Variants in EPHB3 observed in about 807,000 individuals in gnomAD.
EPHB3 encodes the protein ephrin type-B receptor 3.
In EPHB3, 33 loss-of-function variants were observed where a neutral mutation model predicts 100.2. That is an observed-to-expected ratio of 0.33 (90% CI 0.25 to 0.44). The LOEUF (loss-of-function observed/expected upper bound fraction) is 0.44, where lower values mean the gene tolerates loss of function less well. Among genes scored for constraint, EPHB3 ranks in the 20% least tolerant of loss-of-function variants. The pLI, the probability that EPHB3 is intolerant of heterozygous loss-of-function variation, is 1.00. For missense variants in EPHB3, 1,045 were observed against 1,378.3 expected, an observed-to-expected ratio of 0.76 and a Z score of 3.83; for synonymous variants, 526 against 554.7, an observed-to-expected ratio of 0.95 and a Z score of 0.73.
chr3:184,573,437 C>T lies in EPHB3; in HGVS notation c.856+261C>T, dbSNP rs1377327182. Reference sequence around the variant, plus strand: ...AGAGAGGAAGAGAAGCATGCAGAATCCTTGGCAAGCAGGCACCTGGAGAAC... The same window carrying T: ...AGAGAGGAAGAGAAGCATGCAGAATTCTTGGCAAGCAGGCACCTGGAGAAC... On this transcript the variant is annotated intron_variant, in intron 3 of 15. Coordinates refer to ENST00000330394, the MANE Select transcript of EPHB3 (RefSeq NM_004443.4). This position sits in a 1 kb window ranked among gnomAD's most constrained non-coding sequence, Gnocchi z 4.5. Among the ~76,000 whole-genome samples the T allele has an allele frequency of 1.3e-5, 2 of 152,154 alleles. No individual in the cohort carries two copies. Among genetic ancestry groups the T allele is most frequent in the Admixed American group, 1.3e-4 (2 of 15,270 alleles).
In EPHB3 at chr3:184,581,815, T is replaced by C. The variant is rs2108440729; in HGVS notation, c.*193T>C. ...GAAGTGCGCCCCAAACCTCTTCATA[T>C]TGAAGATGGATTAGGAGAGGGGGTG... On this transcript the variant is annotated 3_prime_UTR_variant, in exon 16 of 16. Transcript: ENST00000330394. 1.0e-5 allele frequency: 6 copies of C among 584,576 alleles called. No homozygotes were observed. The highest frequency in any genetic ancestry group is 1.8e-5 in the Non-Finnish European group (6 of 339,236). The allele number at this position is 584,576 out of a possible 1,614,324, so 36.2% of individuals were successfully genotyped here.
Position 184,562,288 on chromosome 3 carries a change from C to T in EPHB3, c.53C>T (p.Pro18Leu). The change falls in exon 1 of 16, where the codon CCG (proline) becomes CTG (leucine). Residue 18 changes from proline to leucine, a missense_variant. Transcript: ENST00000330394. The surrounding 1 kb of genome is among the most constrained non-coding windows in gnomAD (Gnocchi z 4.8). ...CCGTCGCCGCCGCCGGGGCTTCTGC[C>T]GCTGCTCCCTCCGCTGCTGCTGCTG... ...PPPSPPPGLL[P>L]LLPPLLLLPL... 8.1e-7 allele frequency: 1 copy of T among 1,236,944 alleles called. No homozygotes were observed. The allele number at this position is 1,236,944 out of a possible 1,614,324, so 76.6% of individuals were successfully genotyped here.
In EPHB3 at chr3:184,577,539, G is replaced by T. The variant is rs1714708495; in HGVS notation, c.1479+72G>T. The T allele has an allele frequency of 6.3e-7, 1 of 1,598,166 alleles. No homozygotes were observed. The highest frequency in any genetic ancestry group is 8.5e-7 in the Non-Finnish European group (1 of 1,171,362). On this transcript the variant is annotated intron_variant, in intron 6 of 15. Coordinates refer to ENST00000330394, the MANE Select transcript of EPHB3 (RefSeq NM_004443.4). This position sits in a 1 kb window ranked among gnomAD's most constrained non-coding sequence, Gnocchi z 4.9. ...GAGAAAATTACCCCCGGATCATGAT[G>T]GGGCCCTTGGGAGCAAGGCCTTGGG...
intron 1 of EPHB3, among the ~76,000 whole-genome samples, chr3:184,564,553 T>C (rs1236790067): frequency 1.3e-5 from 2 of 152,226 alleles, no homozygotes; most frequent in Non-Finnish European, 2.9e-5. Flanking sequence ...GCTGTTATTA[T>C]TATTGTTACC....
Position 184,577,193 on chromosome 3 carries a change from G to T in EPHB3, c.1354+10G>T. ...ACCACAAACCAGGCTGGTGAGGAGG[G>T]GACACTGGAGGGTAGGGCCTGGGTC... is the stretch of plus-strand genomic sequence containing the variant. On this transcript the variant is annotated intron_variant, in intron 5 of 15. Coordinates refer to ENST00000330394, the MANE Select transcript of EPHB3 (RefSeq NM_004443.4). This position sits in a 1 kb window ranked among gnomAD's most constrained non-coding sequence, Gnocchi z 4.9. The T allele has an allele frequency of 6.3e-7, 1 of 1,585,478 alleles. No homozygotes were observed. Among genetic ancestry groups the T allele is most frequent in the South Asian group, 1.1e-5 (1 of 87,208 alleles).
intron 3 of EPHB3, among the ~76,000 whole-genome samples, chr3:184,575,352 G>A (rs577904986): frequency 5.3e-5 from 8 of 152,330 alleles, no homozygotes; most frequent in African/African-American, 1.4e-4. Context: ...TGGGTGGGGC[G>A]AGAGCTTCAC....
Position 184,578,524 on chromosome 3 carries a change from A to G in EPHB3, c.1801+58A>G. The stretch of plus-strand genomic sequence containing the variant: ...TCCCAGCCCCCTGCAGGGCTCTCAG[A>G]CACCCTTCTCCCTGCCTGGGACTTC... On this transcript the variant is annotated intron_variant, in intron 9 of 15. Coordinates refer to ENST00000330394, the MANE Select transcript of EPHB3 (RefSeq NM_004443.4). This position sits in a 1 kb window ranked among gnomAD's most constrained non-coding sequence, Gnocchi z 4.7. The G allele has an allele frequency of 6.2e-7, 1 of 1,607,974 alleles. No homozygotes were observed. Among genetic ancestry groups the G allele is most frequent in the Non-Finnish European group, 8.5e-7 (1 of 1,175,526 alleles).
Position 184,563,881 on chromosome 3 carries a change from G to A in EPHB3, c.118+1528G>A, listed in dbSNP as rs1232379959. Among the ~76,000 whole-genome samples, 1 of 152,272 alleles carries A rather than the reference G, an allele frequency of 6.6e-6. No homozygotes were observed. The highest frequency in any genetic ancestry group is 1.5e-5 in the Non-Finnish European group (1 of 68,044). On this transcript the variant is annotated intron_variant, in intron 1 of 15. Coordinates refer to ENST00000330394, the MANE Select transcript of EPHB3 (RefSeq NM_004443.4). The surrounding 1 kb of genome is among the most constrained non-coding windows in gnomAD (Gnocchi z 4.1). ...ACTTACGGGGCTATGTGTCACCTGT[G>A]TGTGTCGGGCCACAAGGCCCTTGTT...
chr3:184,568,903 C>T (rs1181252576), intron 1 of EPHB3, among the ~76,000 whole-genome samples: 1 of 152,034 alleles, frequency 6.6e-6, no homozygotes, highest in East Asian at 1.9e-4. Flanking sequence ...CCCTCTCTCG[C>T]TCCCCAGAAA....
In EPHB3 at chr3:184,562,111, C is replaced by A. The variant is rs998777747; in HGVS notation, c.-125C>A. 4 of 172,270 alleles carry A rather than the reference C, an allele frequency of 2.3e-5. No homozygotes were observed. Among genetic ancestry groups the A allele is most frequent in the African/African-American group, 9.6e-5 (4 of 41,684 alleles). 10.7% of individuals were successfully genotyped at this position (172,270 alleles called of 1,614,324 possible). On this transcript the variant is annotated 5_prime_UTR_variant, in exon 1 of 16. Transcript: ENST00000330394. This position sits in a 1 kb window ranked among gnomAD's most constrained non-coding sequence, Gnocchi z 4.8. ...GATTGCATTCCCTCCTCTCCTGGAT[C>A]TCCTGGGACCCGACGCGAGCCTGCC...
rs1340530352 is a variant in EPHB3, at chr3:184,562,768, TG to T, written c.118+421del. Among the ~76,000 whole-genome samples, 6 of 152,178 alleles carry T rather than the reference TG, an allele frequency of 3.9e-5. No individual in the cohort carries two copies. Among genetic ancestry groups the T allele is most frequent in the Non-Finnish European group, 8.8e-5 (6 of 67,990 alleles). ...GGGGGCGAAGCGGGACTCCCCGGGTTGGGGGGCGCTAATGAGGAGCCCGTTG... is the reference window on the plus strand; with the variant it reads ...GGGGGCGAAGCGGGACTCCCCGGGTTGGGGGCGCTAATGAGGAGCCCGTTG... On this transcript the variant is annotated intron_variant, in intron 1 of 15. Transcript: ENST00000330394. This position sits in a 1 kb window ranked among gnomAD's most constrained non-coding sequence, Gnocchi z 4.8.
Position 184,577,481 on chromosome 3 carries a change from G to T in EPHB3, c.1479+14G>T. 1.2e-6 allele frequency: 2 copies of T among 1,613,734 alleles called. No individual in the cohort carries two copies. Among genetic ancestry groups the T allele is most frequent in the South Asian group, 1.1e-5 (1 of 91,028 alleles). ...TACTTTGAGAAGGTCAGAACCTCAA[G>T]GGGCAGGAGGAGGCCTTGGGCTGAG... On this transcript the variant is annotated intron_variant, in intron 6 of 15. Transcript: ENST00000330394. The surrounding 1 kb of genome is among the most constrained non-coding windows in gnomAD (Gnocchi z 4.9).
Position 184,562,274 on chromosome 3 carries a change from G to T in EPHB3, c.39G>T (p.Pro13=). 1.7e-6 allele frequency: 2 copies of T among 1,202,450 alleles called. No individual in the cohort carries two copies. The highest frequency in any genetic ancestry group is 1.6e-5 in the African/African-American group (1 of 62,490). 74.5% of individuals were successfully genotyped at this position (1,202,450 alleles called of 1,614,324 possible). ...GCCCGCCGCCGCCGCCGTCGCCGCC[G>T]CCGGGGCTTCTGCCGCTGCTCCCTC... ...RARPPPPPSP[P]PGLLPLLPPL... The change falls in exon 1 of 16, where the codon CCG becomes CCT. Residue 13 remains proline, a synonymous_variant. Coordinates refer to ENST00000330394, the MANE Select transcript of EPHB3 (RefSeq NM_004443.4). The surrounding 1 kb of genome is among the most constrained non-coding windows in gnomAD (Gnocchi z 4.8).
chr3:184,577,030 C>T lies in EPHB3; in HGVS notation c.1201C>T (p.Arg401Trp), dbSNP rs1365994557. Residue 401 changes from arginine to tryptophan, a missense_variant, in exon 5 of 16, where the codon CGG becomes TGG. Transcript: ENST00000330394. This position sits in a 1 kb window ranked among gnomAD's most constrained non-coding sequence, Gnocchi z 4.9. ...RCDDNVEFVP[R>W]QLGLTERRVH... The stretch of plus-strand genomic sequence containing the variant: ...TGATGACAACGTGGAGTTTGTGCCT[C>T]GGCAGCTGGGCCTGACGGAGCGCCG... 2.5e-6 allele frequency: 4 copies of T among 1,613,988 alleles called. No homozygotes were observed. The highest frequency in any genetic ancestry group is 2.2e-5 in the East Asian group (1 of 44,890).
intron 1 of EPHB3, among the ~76,000 whole-genome samples, chr3:184,566,353 T>C (rs1714384799): frequency 1.3e-5 from 2 of 152,308 alleles, no homozygotes; most frequent in South Asian, 4.1e-4. Flanking sequence ...ACCCCCATGA[T>C]CTGAGGGGAA....
Position 184,569,151 on chromosome 3 carries a change from C to A in EPHB3, c.119-2167C>A, listed in dbSNP as rs1714474276. On this transcript the variant is annotated intron_variant, in intron 1 of 15. Transcript: ENST00000330394. The surrounding 1 kb of genome is among the most constrained non-coding windows in gnomAD (Gnocchi z 5.4). Reference sequence around the variant, plus strand: ...TGAGGGAGAGGGAGGAGGGAGGCGGCGCGAGGGAGCGGCTGGAGCCCCGGC... The same window carrying A: ...TGAGGGAGAGGGAGGAGGGAGGCGGAGCGAGGGAGCGGCTGGAGCCCCGGC... 6.6e-6 allele frequency among the ~76,000 whole-genome samples: 1 copy of A among 152,116 alleles called. No homozygotes were observed. Among genetic ancestry groups the A allele is most frequent in the Non-Finnish European group, 1.5e-5 (1 of 68,008 alleles).
chr3:184,578,255 G>C lies in EPHB3; in HGVS notation c.1749-159G>C. On this transcript the variant is annotated intron_variant, in intron 8 of 15. Transcript: ENST00000330394. This position sits in a 1 kb window ranked among gnomAD's most constrained non-coding sequence, Gnocchi z 4.7. The stretch of plus-strand genomic sequence containing the variant: ...AGGGACTGAGTCCACTGAACCCCTT[G>C]CTCAGACACCCAGAGACTGCTGTGA... 1 of 1,111,908 alleles carries C rather than the reference G, an allele frequency of 9.0e-7. No homozygotes were observed. The highest frequency in any genetic ancestry group is 2.6e-4 in the Middle Eastern group (1 of 3,836). The allele number at this position is 1,111,908 out of a possible 1,614,324, so 68.9% of individuals were successfully genotyped here. A position where few individuals can be genotyped will look rare whatever the true frequency, so the allele number is the denominator to read the frequency against.
chr3:184,578,437 C>G lies in EPHB3; in HGVS notation c.1772C>G (p.Ser591Trp). The G allele has an allele frequency of 6.2e-7, 1 of 1,614,012 alleles. No homozygotes were observed. Among genetic ancestry groups the G allele is most frequent in the East Asian group, 2.2e-5 (1 of 44,872 alleles). ...CLRKQRHGSD[S>W]EYTEKLQQYI... ...AGGAAGCAGCGACACGGCTCTGATT[C>G]GGAGTACACGGAGAAGCTGCAGCAG... Residue 591 changes from serine (S) to tryptophan (W), a missense_variant, in exon 9 of 16, where the codon TCG becomes TGG. Physicochemically the swap from Ser to Trp is radical, Grantham distance 177 (BLOSUM62 -3). Coordinates refer to ENST00000330394, the MANE Select transcript of EPHB3 (RefSeq NM_004443.4). This position sits in a 1 kb window ranked among gnomAD's most constrained non-coding sequence, Gnocchi z 4.7.
rs995925709 is a variant in EPHB3 at position 184,562,266 on chromosome 3, T to TCGCCGC, written c.37_42dup (p.Pro13_Pro14dup). 8 of 1,160,138 alleles carry TCGCCGC rather than the reference T, an allele frequency of 6.9e-6. No individual in the cohort carries two copies. The highest frequency in any genetic ancestry group is 6.5e-5 in the African/African-American group (4 of 61,268). The allele number at this position is 1,160,138 out of a possible 1,614,324, so 71.9% of individuals were successfully genotyped here. Reference sequence around the variant, plus strand: ...CAGAGCCCGCCCGCCGCCGCCGCCGTCGCCGCCGCCGGGGCTTCTGCCGCT... The same window carrying TCGCCGC: ...CAGAGCCCGCCCGCCGCCGCCGCCGTCGCCGCCGCCGCCGCCGGGGCTTCTGCCGCT... On this transcript the variant is annotated inframe_insertion, in exon 1 of 16. Coordinates refer to ENST00000330394, the MANE Select transcript of EPHB3 (RefSeq NM_004443.4). The surrounding 1 kb of genome is among the most constrained non-coding windows in gnomAD (Gnocchi z 4.8).
Sources: allele counts gnomAD v4.1 joint callset (sites outside exome capture counted in the v4.1 genomes callset), GRCh38; gene constraint gnomAD v4.1.1; non-coding constraint Gnocchi (gnomAD v3.1); transcripts MANE v1.5; gene names NCBI Gene and HGNC (gene_info 2026-07-23, HGNC 2026-07-21).